Variants in FAM193B observed in about 807,000 individuals in gnomAD.
The protein encoded by FAM193B is protein FAM193B.
Under a neutral mutation model 70.7 loss-of-function variants are expected in FAM193B, and 27 were observed. The observed-to-expected ratio is 0.38, with a 90% CI of 0.28 to 0.53. FAM193B has a LOEUF of 0.53. Among genes scored for constraint, FAM193B ranks in the 20% least tolerant of loss-of-function variants. The pLI, the probability that FAM193B is intolerant of heterozygous loss-of-function variation, is 0.81. For synonymous variants in FAM193B, 448 were observed against 436.0 expected (o/e 1.03, Z -0.34); for missense variants, 1,022 against 1,072.5 (o/e 0.95, Z 0.66).
intron 1 of FAM193B, among the ~76,000 whole-genome samples, chr5:177,551,870 G>A (rs2127495319): frequency 6.6e-6 from 1 of 152,306 alleles, no homozygotes; most frequent in Non-Finnish European, 1.5e-5. Flanking sequence ...GCAGAGCAAT[G>A]ACTGAACCCT....
At chr5:177,531,654 T>A in intron 5 of FAM193B, 1 of 822,030 alleles carries the variant, frequency 1.2e-6, no homozygotes, top group Non-Finnish European at 1.6e-6. Flanking sequence ...CAAGGCCACA[T>A]GGCTTCACCC....
At chr5:177,537,849 T>C in intron 3 of FAM193B, 24 bp downstream of exon 3, 1 of 1,584,092 alleles carries the variant, frequency 6.3e-7, no homozygotes, top group Non-Finnish European at 8.6e-7. Flanking sequence ...AGGGCCTGGC[T>C]CTCTCCCGAG....
intron 1 of FAM193B, among the ~76,000 whole-genome samples, chr5:177,541,777 G>C (rs1393363634): frequency 6.6e-6 from 1 of 152,074 alleles, no homozygotes; most frequent in East Asian, 1.9e-4. Context: ...GTACTCATGG[G>C]GGATCAGTTC....
chr5:177,549,263 G>T (rs1765883236), intron 1 of FAM193B, among the ~76,000 whole-genome samples: 1 of 145,218 alleles, frequency 6.9e-6, no homozygotes, highest in South Asian at 2.1e-4. Flanking sequence ...CGCGATCTTG[G>T]CTCACTGCAA....
chr5:177,522,098 A>C (rs1257364406), intron 7 of FAM193B, 27 bp from the exon 8 acceptor site: 6 of 1,578,414 alleles, frequency 3.8e-6, no homozygotes, highest in Non-Finnish European at 5.2e-6. Flanking sequence ...ACACATGAGA[A>C]GCACAATCAG....
At chr5:177,534,823 G>A (rs529840489) in intron 4 of FAM193B, among the ~76,000 whole-genome samples, 1 of 152,210 alleles carries the variant, frequency 6.6e-6, no homozygotes, top group East Asian at 1.9e-4. Flanking sequence ...TCATTATGTT[G>A]CCCTTGCTAG....
chr5:177,531,442 T>C, intron 5 of FAM193B: 1 of 1,361,618 alleles, frequency 7.3e-7, no homozygotes, highest in Non-Finnish European at 9.8e-7. Context: ...CATGGGCAGC[T>C]CCTCTTTCCG....
intron 1 of FAM193B, among the ~76,000 whole-genome samples, chr5:177,552,584 C>T (rs1766415477): frequency 6.6e-6 from 1 of 152,234 alleles, no homozygotes; most frequent in African/African-American, 2.4e-5. Flanking sequence ...AACAGCTTTC[C>T]AGCTCTCCCT....
chr5:177,538,907 C>T lies in FAM193B; in HGVS notation c.451G>A (p.Ala151Thr). The T allele has an allele frequency of 6.2e-7, 1 of 1,613,980 alleles. No homozygotes were observed. The highest frequency in any genetic ancestry group is 8.5e-7 in the Non-Finnish European group (1 of 1,179,854). ...GACCCCTGTCAGCGGTTACCTACCG[C>T]CACTGCATGTTCTCGACCTGTCTGC... is the stretch of plus-strand genomic sequence containing the variant. Reference protein sequence around the residue: ...ERQTGREHAVAISLSHTSCKS... With the variant: ...ERQTGREHAVTISLSHTSCKS... Residue 151 changes from alanine (A) to threonine (T), a missense_variant and splice_region_variant, in exon 2 of 9, where the codon GCG becomes ACG. By Grantham distance (58) the Ala-to-Thr change is moderately conservative (BLOSUM62 0). Coordinates refer to ENST00000514747, the MANE Select transcript of FAM193B (RefSeq NM_001190946.3). The surrounding 1 kb of genome is among the most constrained non-coding windows in gnomAD (Gnocchi z 4.1).
At chr5:177,547,470 G>C (rs1402991750) in intron 1 of FAM193B, among the ~76,000 whole-genome samples, 2 of 150,360 alleles carry the variant, frequency 1.3e-5, no homozygotes, top group Non-Finnish European at 3.0e-5. Context: ...TTTTTTAGTA[G>C]AGACGGGGTT....
rs1765073266 is a variant in FAM193B, at chr5:177,543,391, A to G, written c.211-4244T>C. On this transcript the variant is annotated intron_variant, in intron 1 of 8. Transcript: ENST00000514747. ...AAGGGATCCAGGCTGCAGGCACTCAATCTATTATCTAAGCCCCTTGGCTGT... is the reference window on the plus strand; with the variant it reads ...AAGGGATCCAGGCTGCAGGCACTCAGTCTATTATCTAAGCCCCTTGGCTGT... Among the ~76,000 whole-genome samples the G allele has an allele frequency of 5.3e-5, 8 of 152,348 alleles. 1 individual carries two copies. The South Asian group carries it at 1.7e-3, about 32-fold the overall frequency.
intron 4 of FAM193B, among the ~76,000 whole-genome samples, chr5:177,534,730 A>G (rs1026706273): frequency 4.6e-5 from 7 of 152,160 alleles, no homozygotes; most frequent in African/African-American, 1.4e-4. Flanking sequence ...GTCCCACTTC[A>G]GCCCCCGCAA....
chr5:177,524,289 T>C lies in FAM193B; in HGVS notation c.2192A>G (p.Glu731Gly), dbSNP rs1026008586. The change falls in exon 6 of 9, where the codon GAG becomes GGG. Residue 731 changes from glutamate (E) to glycine (G), a missense_variant. Glu to Gly is a moderately conservative substitution (Grantham distance 98). Transcript: ENST00000514747. Reference protein sequence around the residue: ...GEAKARPQEQESVQPSGPARP... With the variant: ...GEAKARPQEQGSVQPSGPARP... ...TGCTGGGCCTGAGGGCTGCACAGAC[T>C]CCTGCTCCTGAGGCCGTGCCTTGGC... The C allele has an allele frequency of 6.3e-7, 1 of 1,584,960 alleles. No homozygotes were observed. Among genetic ancestry groups the C allele is most frequent in the Non-Finnish European group, 8.6e-7 (1 of 1,165,582 alleles).
intron 1 of FAM193B, among the ~76,000 whole-genome samples, chr5:177,543,487 CTTT>C (rs1765089151): frequency 6.6e-6 from 1 of 152,212 alleles, no homozygotes; most frequent in Admixed American, 6.5e-5. Flanking sequence ...TTGAGTCCTT[CTTT>C]GAGGCCCAGG....
intron 7 of FAM193B, chr5:177,523,413 C>T (rs76504965): frequency 0.013 from 2,790 of 217,070 alleles, 179 homozygotes; most frequent in Admixed American, 0.11. Context: ...GACTGTATGC[C>T]GTGTTTCTTT....
At chr5:177,549,349 T>C (rs1765897186) in intron 1 of FAM193B, among the ~76,000 whole-genome samples, 2 of 152,068 alleles carry the variant, frequency 1.3e-5, no homozygotes, top group Admixed American at 6.5e-5. Flanking sequence ...CCCGCCACCA[T>C]GCCCGGCTAA....
chr5:177,527,412 A>G (rs1044886448), intron 5 of FAM193B, among the ~76,000 whole-genome samples: 1 of 152,170 alleles, frequency 6.6e-6, no homozygotes, highest in African/African-American at 2.4e-5. Flanking sequence ...AGTAGGGTGG[A>G]GAGCGGTGGA....
In FAM193B at chr5:177,538,895, G is replaced by A. The variant is rs376370714; in HGVS notation, c.453+10C>T. The A allele has an allele frequency of 3.7e-6, 6 of 1,613,040 alleles. No homozygotes were observed. Among genetic ancestry groups the A allele is most frequent in the Non-Finnish European group, 5.1e-6 (6 of 1,179,246 alleles). ...CCTGCATTCAGGGACCCCTGTCAGC[G>A]GTTACCTACCGCCACTGCATGTTCT... On this transcript the variant is annotated intron_variant, in intron 2 of 8. Coordinates refer to ENST00000514747, the MANE Select transcript of FAM193B (RefSeq NM_001190946.3). This position sits in a 1 kb window ranked among gnomAD's most constrained non-coding sequence, Gnocchi z 4.1.
chr5:177,527,164 A>G (rs1016159308), intron 5 of FAM193B, among the ~76,000 whole-genome samples: 2 of 152,208 alleles, frequency 1.3e-5, no homozygotes, highest in Admixed American at 1.3e-4. Context: ...TAGCAAGTGG[A>G]AAGGCTGGAA....
Sources: allele counts gnomAD v4.1 joint callset (sites outside exome capture counted in the v4.1 genomes callset), GRCh38; gene constraint gnomAD v4.1.1; non-coding constraint Gnocchi (gnomAD v3.1); transcripts MANE v1.5; gene names NCBI Gene and HGNC (gene_info 2026-07-23, HGNC 2026-07-21).